The following KAZN variants were observed in gnomAD, a reference collection of about 807,000 sequenced individuals.
The protein encoded by KAZN is kazrin, periplakin interacting protein.
A neutral mutation model predicts 87.4 loss-of-function variants in KAZN; 40 were observed. The observed-to-expected ratio is 0.46, with a 90% CI of 0.36 to 0.60. The LOEUF is 0.60. KAZN is among the 20% of genes least tolerant of loss of function. KAZN has a pLI of 0.00. For missense variants in KAZN, 898 were observed against 1,073.9 expected (o/e 0.84, Z 2.29); for synonymous variants, 466 against 458.3 (o/e 1.02, Z -0.22).
chr1:14,676,383 G>A (rs1343733081), intron 1 of KAZN, among the ~76,000 whole-genome samples: 1 of 151,946 alleles, frequency 6.6e-6, no homozygotes, highest in Non-Finnish European at 1.5e-5. Context: ...CCTAGCCTGT[G>A]TCTAGCCAGC....
chr1:14,187,437 T>G (rs1646331946), intron 2 of KAZN, among the ~76,000 whole-genome samples: 2 of 152,194 alleles, frequency 1.3e-5, no homozygotes, highest in African/African-American at 4.8e-5. Context: ...GGAAATATAT[T>G]ACAGCCCCCT....
At chr1:13,994,445 T>C (rs1488693181) in intron 1 of KAZN, among the ~76,000 whole-genome samples, 1 of 152,200 alleles carries the variant, frequency 6.6e-6, no homozygotes, top group African/African-American at 2.4e-5. Flanking sequence ...AGCTCATCAT[T>C]TTACAGTTGT....
chr1:14,452,127 A>G (rs1474561490), intron 2 of KAZN, among the ~76,000 whole-genome samples: 1 of 151,882 alleles, frequency 6.6e-6, no homozygotes, highest in East Asian at 1.9e-4. Flanking sequence ...TTTAGAAGAG[A>G]TGGGGTTTCA....
At chr1:14,906,216 A>G (rs1358933673) in intron 1 of KAZN, among the ~76,000 whole-genome samples, 2 of 149,958 alleles carry the variant, frequency 1.3e-5, no homozygotes, top group Non-Finnish European at 3.0e-5. Context: ...TAATAATAAT[A>G]ATACAGCACA....
intron 1 of KAZN, among the ~76,000 whole-genome samples, chr1:14,714,143 G>A (rs2100230155): frequency 6.6e-6 from 1 of 152,246 alleles, no homozygotes; most frequent in African/African-American, 2.4e-5. Flanking sequence ...TGGTTTGGGT[G>A]CAGGTCCCTG....
intron 1 of KAZN, among the ~76,000 whole-genome samples, chr1:14,093,455 A>T (rs1310670909): frequency 1.3e-5 from 2 of 152,234 alleles, no homozygotes; most frequent in African/African-American, 4.8e-5. Flanking sequence ...GCTTTTTAAT[A>T]GAATATGCTA....
chr1:13,897,933 C>A (rs866172437), intron 1 of KAZN, among the ~76,000 whole-genome samples: 13 of 152,156 alleles, frequency 8.5e-5, no homozygotes, highest in Admixed American at 4.6e-4. Context: ...ACCCAAATTT[C>A]TTTTACTTGA....
chr1:14,976,777 G>A (rs919570526), intron 2 of KAZN, among the ~76,000 whole-genome samples: 1 of 152,202 alleles, frequency 6.6e-6, no homozygotes, highest in African/African-American at 2.4e-5. Flanking sequence ...CTCTAGGCAG[G>A]GCGCGGTGGC....
intron 2 of KAZN, among the ~76,000 whole-genome samples, chr1:14,419,251 G>A (rs1403881099): frequency 6.6e-6 from 1 of 152,158 alleles, no homozygotes; most frequent in Non-Finnish European, 1.5e-5. Flanking sequence ...GTAAACTGAA[G>A]CCCAGAGAAA....
In KAZN at chr1:15,050,053, GGGT is replaced by G. The variant is rs551312140; in HGVS notation, c.726+5895_726+5897del. Among the ~76,000 whole-genome samples the G allele has an allele frequency of 2.6e-4, 20 of 75,964 alleles. No individual in the cohort carries two copies. In the East Asian group the frequency reaches 0.027, roughly 103 times the overall value. The allele number at this position is 75,964 out of a possible 152,430, so 49.8% of individuals were successfully genotyped here. A position where few individuals can be genotyped will look rare whatever the true frequency, so the allele number is the denominator to read the frequency against. ...GGGTAGGGTAGGGTAGGGTAGGGTA[GGGT>G]AGGGTAGGGTAGAGTAGAGTAGAGT... On this transcript the variant is annotated intron_variant, in intron 4 of 14. Coordinates refer to ENST00000376030, the MANE Select transcript of KAZN (RefSeq NM_201628.3).
chr1:14,403,100 A>T (rs1392370731), intron 2 of KAZN, among the ~76,000 whole-genome samples: 1 of 152,232 alleles, frequency 6.6e-6, no homozygotes, highest in Admixed American at 6.5e-5. Flanking sequence ...TGCTCGGATT[A>T]CAGGCATGAG....
chr1:14,679,184 G>A (rs915992996), intron 1 of KAZN, among the ~76,000 whole-genome samples: 2 of 152,140 alleles, frequency 1.3e-5, no homozygotes, highest in African/African-American at 2.4e-5. Context: ...CAAGAGAAGC[G>A]GGCAGGCCAG....
At chr1:14,323,600 T>A (rs1000561576) in intron 2 of KAZN, among the ~76,000 whole-genome samples, 1 of 152,128 alleles carries the variant, frequency 6.6e-6, no homozygotes, top group Non-Finnish European at 1.5e-5. Context: ...ATCTTCCTAT[T>A]TGCTCTGTTT....
intron 8 of KAZN, chr1:15,065,961 A>G (rs1033830309): frequency 4.5e-5 from 63 of 1,385,666 alleles, no homozygotes; most frequent in Non-Finnish European, 5.6e-5. Flanking sequence ...AAGTGAAAAC[A>G]CGAGTGTGAA....
At chr1:14,927,755 C>T (rs1207844642) in intron 1 of KAZN, among the ~76,000 whole-genome samples, 1 of 152,160 alleles carries the variant, frequency 6.6e-6, no homozygotes, top group African/African-American at 2.4e-5. Flanking sequence ...CCTTATTCTG[C>T]CTCTTCACAT....
At chr1:14,107,101 C>G (rs1317072699) in intron 1 of KAZN, among the ~76,000 whole-genome samples, 1 of 149,206 alleles carries the variant, frequency 6.7e-6, no homozygotes, top group East Asian at 2.0e-4. Flanking sequence ...CCCTCCCTCA[C>G]ATTCTCAATA....
chr1:14,287,693 C>G (rs987051552), intron 2 of KAZN, among the ~76,000 whole-genome samples: 6 of 152,186 alleles, frequency 3.9e-5, no homozygotes, highest in Non-Finnish European at 8.8e-5. Flanking sequence ...GCTGATTGCC[C>G]TGGCCAGAAC....
chr1:14,835,558 ACG>A (rs1647207998), intron 1 of KAZN, among the ~76,000 whole-genome samples: 2 of 152,266 alleles, frequency 1.3e-5, no homozygotes, highest in African/African-American at 4.8e-5. Context: ...TCTCATTGTC[ACG>A]GGAGGAAACT....
chr1:14,918,708 ATATATATATATATATATATATATATATAT>A (rs1658167247), intron 1 of KAZN, among the ~76,000 whole-genome samples: 1 of 3,508 alleles, frequency 2.9e-4, no homozygotes, highest in Non-Finnish European at 5.1e-4. Context: ...AAAAAAAAAA[ATATATATATATATATATATATATATATAT>A]ATATATATAT....
Sources: gnomAD v4.1 joint callset for allele counts (sites outside exome capture counted in the v4.1 genomes callset) on GRCh38, gnomAD v4.1.1 for gene constraint, MANE v1.5 for transcripts, NCBI Gene and HGNC (gene_info 2026-07-23, HGNC 2026-07-21) for gene names.